LOXL2: variants seen among roughly 807,000 people sequenced by gnomAD.
LOXL2 encodes lysyl oxidase like 2.
Under a neutral mutation model 93.0 loss-of-function variants are expected in LOXL2, and 70 were observed. That is an observed-to-expected ratio of 0.75 (90% CI 0.62 to 0.92). The LOEUF (loss-of-function observed/expected upper bound fraction) is 0.92, where lower values mean the gene tolerates loss of function less well. Among genes scored for constraint, LOXL2 ranks in the 40% least tolerant of loss-of-function variants. LOXL2 has a pLI of 0.00. For missense variants in LOXL2, 973 were observed against 1,054.9 expected, an observed-to-expected ratio of 0.92 and a Z score of 1.08; for synonymous variants, 438 against 413.2, an observed-to-expected ratio of 1.06 and a Z score of -0.73.
chr8:23,304,172 A>C (rs547255966), intron 10 of LOXL2, among the ~76,000 whole-genome samples: 5 of 152,342 alleles, frequency 3.3e-5, no homozygotes, highest in Admixed American at 3.3e-4. Flanking sequence ...TCCAGAAAAG[A>C]GTTCTGCAGG....
At chr8:23,389,410 C>T (rs1461309653) in intron 1 of LOXL2, among the ~76,000 whole-genome samples, 1 of 152,140 alleles carries the variant, frequency 6.6e-6, no homozygotes, top group Non-Finnish European at 1.5e-5. Flanking sequence ...AATTCACCTG[C>T]TTAATGGTAC....
rs1441309856 is a variant in LOXL2 at position 23,333,472 on chromosome 8, C to A, written c.895G>T (p.Val299Leu). The change falls in exon 5 of 14, where the codon GTG becomes TTG. Residue 299 changes from valine (V) to leucine (L), a missense_variant. By Grantham distance (32) the Val-to-Leu change is conservative (BLOSUM62 1). Transcript: ENST00000389131. ...AAGACCTGCCCAGGCACACAACTCA[C>A]CACGGCCGGTAGCCCATTCTCGCAG... Reference protein sequence around the residue: ...VTCENGLPAVVSCVPGQVFSP... With the variant: ...VTCENGLPAVLSCVPGQVFSP... 4.3e-6 allele frequency: 7 copies of A among 1,613,856 alleles called. No homozygotes were observed. Among genetic ancestry groups the A allele is most frequent in the Non-Finnish European group, 5.9e-6 (7 of 1,180,056 alleles).
At chr8:23,398,389 AAACT>A (rs990797694) in intron 1 of LOXL2, among the ~76,000 whole-genome samples, 3 of 152,162 alleles carry the variant, frequency 2.0e-5, no homozygotes, top group African/African-American at 7.2e-5. Flanking sequence ...AGGAATGAAA[AAACT>A]AAAAAGAAAA....
At position 23,358,507 on chromosome 8, in the gene LOXL2, G is replaced by T. The variant is rs1000657825; in HGVS notation, c.531+1583C>A. Among the ~76,000 whole-genome samples, 6 of 152,260 alleles carry T rather than the reference G, an allele frequency of 3.9e-5. No individual in the cohort carries two copies. In the East Asian group the frequency reaches 1.2e-3, roughly 29 times the overall value. ...CAGCTGGAGGCTGAAGCACAGCGAA[G>T]GTTCCTTGGTCTGGATTTGGGGCAG... On this transcript the variant is annotated intron_variant, in intron 3 of 13. Coordinates refer to ENST00000389131, the MANE Select transcript of LOXL2 (RefSeq NM_002318.3).
At chr8:23,331,899 G>A (rs911918491) in intron 5 of LOXL2, 1 of 151,798 alleles carries the variant, frequency 6.6e-6, no homozygotes, top group Non-Finnish European at 1.5e-5. Context: ...AGCGAGGCGT[G>A]GTGGCGGGTG....
At chr8:23,333,186 C>T (rs1233002664) in intron 5 of LOXL2, among the ~76,000 whole-genome samples, 1 of 152,188 alleles carries the variant, frequency 6.6e-6, no homozygotes, top group Non-Finnish European at 1.5e-5. Flanking sequence ...GCGGACAGCG[C>T]ACCAACAGCC....
chr8:23,340,192 C>T (rs1803858816), intron 4 of LOXL2, among the ~76,000 whole-genome samples: 1 of 152,192 alleles, frequency 6.6e-6, no homozygotes, highest in Non-Finnish European at 1.5e-5. Flanking sequence ...AACTCTAAAA[C>T]AGACTCCTAT....
At chr8:23,353,218 C>T (rs1040116560) in intron 3 of LOXL2, among the ~76,000 whole-genome samples, 3 of 152,020 alleles carry the variant, frequency 2.0e-5, no homozygotes, top group Admixed American at 6.6e-5. Context: ...ATGCTTTTTC[C>T]AACTGGTCTA....
chr8:23,371,690 T>G (rs986224782), intron 1 of LOXL2, among the ~76,000 whole-genome samples: 4 of 131,302 alleles, frequency 3.0e-5, no homozygotes, highest in Non-Finnish European at 6.1e-5. Context: ...AGGTGGAGGT[T>G]GCAGTGAGCC....
intron 4 of LOXL2, among the ~76,000 whole-genome samples, chr8:23,335,831 A>G (rs1803780402): frequency 6.6e-6 from 1 of 152,148 alleles, no homozygotes. Flanking sequence ...GGAAGGGCAA[A>G]TCCTACAGAC....
chr8:23,321,839 G>A (rs1025732759), intron 7 of LOXL2: 2 of 374,550 alleles, frequency 5.3e-6, no homozygotes, highest in Non-Finnish European at 4.9e-6. Flanking sequence ...CCGGTCCCAC[G>A]CCTGTCTTTG....
intron 2 of LOXL2, among the ~76,000 whole-genome samples, chr8:23,361,877 C>T (rs972314266): frequency 6.7e-6 from 1 of 148,758 alleles, no homozygotes; most frequent in East Asian, 1.9e-4. Context: ...ACAAAAAAAA[C>T]AGAAAATGAC....
chr8:23,330,153 G>C lies in LOXL2; in HGVS notation c.967-1588C>G, dbSNP rs143892273. 8.5e-3 allele frequency among the ~76,000 whole-genome samples: 1,286 copies of C among 151,962 alleles called. 82 individuals are homozygous for C. In the East Asian group the frequency reaches 0.16, roughly 19 times the overall value. ...ATCCTGGCTAACATGGTGAAACCCCGTCTCTACTAAAAAACAAAAAAATAC... is the reference window on the plus strand; with the variant it reads ...ATCCTGGCTAACATGGTGAAACCCCCTCTCTACTAAAAAACAAAAAAATAC... On this transcript the variant is annotated intron_variant, in intron 5 of 13. Transcript: ENST00000389131.
chr8:23,396,144 C>A (rs1482548307), intron 1 of LOXL2, among the ~76,000 whole-genome samples: 1 of 152,008 alleles, frequency 6.6e-6, no homozygotes, highest in East Asian at 1.9e-4. Context: ...CATGGAGAAA[C>A]CCTGTCTCTA....
chr8:23,306,071 A>T (rs886666810), intron 10 of LOXL2, among the ~76,000 whole-genome samples: 1 of 152,176 alleles, frequency 6.6e-6, no homozygotes, highest in Non-Finnish European at 1.5e-5. Flanking sequence ...TCCGTCTCCC[A>T]AAGTGCTGTG....
At chr8:23,396,820 G>A (rs1276480717) in intron 1 of LOXL2, among the ~76,000 whole-genome samples, 1 of 152,200 alleles carries the variant, frequency 6.6e-6, no homozygotes, top group Non-Finnish European at 1.5e-5. Flanking sequence ...TTAAATTCAT[G>A]CATTCTTGCT....
chr8:23,342,284 T>A (rs1301145134), intron 3 of LOXL2, among the ~76,000 whole-genome samples: 1 of 151,774 alleles, frequency 6.6e-6, no homozygotes, highest in Non-Finnish European at 1.5e-5. Context: ...TTCCAAGACA[T>A]GCCATAACAG....
chr8:23,326,910 G>A (rs1803585727), intron 6 of LOXL2, among the ~76,000 whole-genome samples: 1 of 152,224 alleles, frequency 6.6e-6, no homozygotes. Flanking sequence ...GGAGAACAGA[G>A]GCAGAGAGAC....
At chr8:23,387,575 T>C (rs1383399462) in intron 1 of LOXL2, among the ~76,000 whole-genome samples, 1 of 152,250 alleles carries the variant, frequency 6.6e-6, no homozygotes, top group East Asian at 1.9e-4. Flanking sequence ...TCTTAGCTTA[T>C]TAGCTCTGTG....
Sources: gnomAD v4.1 joint callset for allele counts (sites outside exome capture counted in the v4.1 genomes callset) on GRCh38, gnomAD v4.1.1 for gene constraint, MANE v1.5 for transcripts, NCBI Gene and HGNC (gene_info 2026-07-23, HGNC 2026-07-21) for gene names.